The following RPS6KA2 variants were observed in gnomAD, a reference collection of about 807,000 sequenced individuals.
The protein encoded by RPS6KA2 is ribosomal protein S6 kinase A2.
A neutral mutation model predicts 91.8 loss-of-function variants in RPS6KA2; 42 were observed. The ratio of observed to expected loss-of-function variants is 0.46; its 90% confidence interval spans 0.36 to 0.59. The LOEUF (loss-of-function observed/expected upper bound fraction) is 0.59, where lower values mean the gene tolerates loss of function less well. Ranked by LOEUF, RPS6KA2 falls within the 20% of genes least tolerant of loss-of-function variation. The pLI is 0.00. For synonymous variants in RPS6KA2, 414 were observed against 393.6 expected (o/e 1.05, Z -0.61); for missense variants, 798 against 978.5 (o/e 0.82, Z 2.46).
chr6:166,605,494 T>C (rs1396442266), intron 1 of RPS6KA2, among the ~76,000 whole-genome samples: 3 of 152,244 alleles, frequency 2.0e-5, no homozygotes, highest in African/African-American at 4.8e-5. Flanking sequence ...AAGTCTCTAA[T>C]AGACATTCCT....
chr6:166,812,614 G>A (rs531168040), intron 2 of RPS6KA2, among the ~76,000 whole-genome samples: 37 of 152,220 alleles, frequency 2.4e-4, no homozygotes, highest in South Asian at 8.3e-4. Flanking sequence ...TCCCATACCC[G>A]TGGCCACGTG....
rs935221429 is a variant in RPS6KA2, at chr6:166,495,405, T to C, written c.747+3103A>G. Among the ~76,000 whole-genome samples, 12 of 152,204 alleles carry C rather than the reference T, an allele frequency of 7.9e-5. No homozygotes were observed. Among genetic ancestry groups the C allele is most frequent in the Non-Finnish European group, 1.6e-4 (11 of 68,038 alleles). ...GTGAACAATTCAGTAAGAAATGTCCTGTGCCCAGGGAGGCACGTGGGAGGA... is the reference window on the plus strand; with the variant it reads ...GTGAACAATTCAGTAAGAAATGTCCCGTGCCCAGGGAGGCACGTGGGAGGA... On this transcript the variant is annotated intron_variant, in intron 8 of 20. Coordinates refer to ENST00000265678, the MANE Select transcript of RPS6KA2 (RefSeq NM_021135.6). The surrounding 1 kb of genome is among the most constrained non-coding windows in gnomAD (Gnocchi z 4.4).
chr6:166,669,835 G>C (rs1439292515), intron 2 of RPS6KA2, among the ~76,000 whole-genome samples: 1 of 152,246 alleles, frequency 6.6e-6, no homozygotes, highest in African/African-American at 2.4e-5. Flanking sequence ...CCGAGGTCCA[G>C]GGTAGGCCAG....
intron 1 of RPS6KA2, among the ~76,000 whole-genome samples, chr6:166,598,897 A>T (rs890566158): frequency 2.0e-5 from 3 of 152,012 alleles, no homozygotes; most frequent in African/African-American, 7.3e-5. Flanking sequence ...GACACGGCTC[A>T]CTCTCAAGTG....
At position 166,837,109 on chromosome 6, in the gene RPS6KA2, G is replaced by A. The variant is rs376930025; in HGVS notation, c.123+21091C>T. On this transcript the variant is annotated intron_variant, in intron 2 of 21. Coordinates refer to the RPS6KA2 transcript ENST00000503859. ...CGTGCCCCGCCCGAGGAAGACCGACGCTGTCCATTCTTGCTGGGAGGTGCG... is the reference window on the plus strand; with the variant it reads ...CGTGCCCCGCCCGAGGAAGACCGACACTGTCCATTCTTGCTGGGAGGTGCG... 3.9e-4 allele frequency among the ~76,000 whole-genome samples: 60 copies of A among 152,290 alleles called. No homozygotes were observed. In the East Asian group the frequency reaches 9.3e-3, roughly 24 times the overall value.
chr6:166,619,273 T>G (rs1045570349), intron 1 of RPS6KA2, among the ~76,000 whole-genome samples: 3 of 152,234 alleles, frequency 2.0e-5, no homozygotes, highest in African/African-American at 7.2e-5. Context: ...AGTCACCACT[T>G]TGATTCCCGC....
Position 166,557,342 on chromosome 6 carries a change from G to A in RPS6KA2, c.100-18558C>T, listed in dbSNP as rs1583277104. Among the ~76,000 whole-genome samples the A allele has an allele frequency of 6.6e-6, 1 of 152,214 alleles. No individual in the cohort carries two copies. Among genetic ancestry groups the A allele is most frequent in the East Asian group, 1.9e-4 (1 of 5,198 alleles). The stretch of plus-strand genomic sequence containing the variant: ...CCAAAACCTAAATCGACATAAACAC[G>A]GTCCTGGCCACCACGTCCCCCACAG... On this transcript the variant is annotated intron_variant, in intron 1 of 20. Transcript: ENST00000265678. The surrounding 1 kb of genome is among the most constrained non-coding windows in gnomAD (Gnocchi z 4.8).
At chr6:166,761,170 T>C (rs1392168697) in intron 2 of RPS6KA2, among the ~76,000 whole-genome samples, 2 of 152,116 alleles carry the variant, frequency 1.3e-5, no homozygotes, top group Non-Finnish European at 2.9e-5. Context: ...TTCAAGCAAT[T>C]GTTGTATTTT....
At chr6:166,771,655 C>A (rs779211408) in intron 2 of RPS6KA2, among the ~76,000 whole-genome samples, 1 of 152,202 alleles carries the variant, frequency 6.6e-6, no homozygotes, top group Non-Finnish European at 1.5e-5. Context: ...TTGGCTCATA[C>A]CCACTGAAAT....
rs906591348 is a variant in RPS6KA2, at chr6:166,732,522, G to A, written c.123+125678C>T. Among the ~76,000 whole-genome samples the A allele has an allele frequency of 1.3e-5, 2 of 152,196 alleles. No homozygotes were observed. Among genetic ancestry groups the A allele is most frequent in the African/African-American group, 4.8e-5 (2 of 41,452 alleles). ...CGGGAATCACTGAACCTTATCACATGGGCTTGCTATGGGAGTTCACATGAT... is the reference window on the plus strand; with the variant it reads ...CGGGAATCACTGAACCTTATCACATAGGCTTGCTATGGGAGTTCACATGAT... On this transcript the variant is annotated intron_variant, in intron 2 of 21. Transcript: ENST00000503859. This position sits in a 1 kb window ranked among gnomAD's most constrained non-coding sequence, Gnocchi z 4.0.
At chr6:166,753,525 T>C (rs572377001) in intron 2 of RPS6KA2, among the ~76,000 whole-genome samples, 1 of 152,338 alleles carries the variant, frequency 6.6e-6, no homozygotes, top group Admixed American at 6.5e-5. Flanking sequence ...CTATTAATAC[T>C]ATGACATCAT....
intron 11 of RPS6KA2, among the ~76,000 whole-genome samples, chr6:166,461,636 A>G (rs1359262068): frequency 1.3e-5 from 2 of 152,078 alleles, no homozygotes; most frequent in Admixed American, 6.6e-5. Flanking sequence ...CACTAGCTCG[A>G]TCCAGCACAG....
At chr6:166,451,347 G>A (rs1779911505) in intron 12 of RPS6KA2, 114 bp from the exon 13 acceptor site, 6 of 1,157,074 alleles carry the variant, frequency 5.2e-6, no homozygotes, top group African/African-American at 1.5e-5. Context: ...GTGTGTGTGT[G>A]TGTGTGTGTG....
At chr6:166,414,026 A>G in intron 19 of RPS6KA2, 95 bp from the exon 20 acceptor site, 1 of 1,119,422 alleles carries the variant, frequency 8.9e-7, no homozygotes, top group Non-Finnish European at 1.3e-6. Flanking sequence ...CTCTATGGCA[A>G]CACCCAACCA....
At chr6:166,774,851 T>C in intron 2 of RPS6KA2, among the ~76,000 whole-genome samples, 1 of 152,038 alleles carries the variant, frequency 6.6e-6, no homozygotes, top group Middle Eastern at 3.2e-3. Flanking sequence ...CGCTGGCATG[T>C]GTGCTTCTTG....
At chr6:166,646,757 C>A (rs1032805769) in intron 2 of RPS6KA2, among the ~76,000 whole-genome samples, 8 of 152,210 alleles carry the variant, frequency 5.3e-5, no homozygotes, top group African/African-American at 1.9e-4. Context: ...ACCAAGCAAA[C>A]CCTTTTGTCC....
At chr6:166,690,495 A>G (rs889164353) in intron 2 of RPS6KA2, among the ~76,000 whole-genome samples, 2 of 152,252 alleles carry the variant, frequency 1.3e-5, no homozygotes, top group Non-Finnish European at 2.9e-5. Context: ...GGTGCCAAAC[A>G]GCTTTACACA....
chr6:166,450,642 G>C (rs1779875273), intron 13 of RPS6KA2, among the ~76,000 whole-genome samples: 1 of 148,712 alleles, frequency 6.7e-6, no homozygotes, highest in South Asian at 2.1e-4. Flanking sequence ...ACCACCCCAG[G>C]GACCACCCTG....
intron 2 of RPS6KA2, among the ~76,000 whole-genome samples, chr6:166,758,909 G>A (rs1462007780): frequency 6.6e-6 from 1 of 152,198 alleles, no homozygotes; most frequent in Admixed American, 6.5e-5. Flanking sequence ...TAGTTGAAGT[G>A]CAATCGTCCT....
Sources: allele counts gnomAD v4.1 joint callset (sites outside exome capture counted in the v4.1 genomes callset), GRCh38; gene constraint gnomAD v4.1.1; non-coding constraint Gnocchi (gnomAD v3.1); transcripts MANE v1.5; gene names NCBI Gene and HGNC (gene_info 2026-07-23, HGNC 2026-07-21).